LYPLAL1: variants seen among roughly 807,000 people sequenced by gnomAD.
LYPLAL1 encodes the protein lysophospholipase like 1, also known as lysophospholipase-like protein 1.
In LYPLAL1, 23 loss-of-function variants were observed where a neutral mutation model predicts 19.7. The ratio of observed to expected loss-of-function variants is 1.17; its 90% CI spans 0.84 to 1.65. The LOEUF (loss-of-function observed/expected upper bound fraction) is 1.65. LYPLAL1 is among the 40% of genes most tolerant of loss of function. The pLI, the probability that LYPLAL1 is intolerant of heterozygous loss-of-function variation, is 0.00. For synonymous variants in LYPLAL1, 119 were observed against 96.3 expected (o/e 1.24, Z -1.38); for missense variants, 355 against 279.4 (o/e 1.27, Z -1.93).
the LYPLAL1 span, among the ~76,000 whole-genome samples, chr1:219,236,883 C>G: frequency 6.6e-6 from 1 of 152,238 alleles, no homozygotes; most frequent in East Asian, 1.9e-4. Context: ...CATGGATTAA[C>G]TATTTTTCTT....
At chr1:219,312,539 G>C in the LYPLAL1 span, among the ~76,000 whole-genome samples, 3 of 152,200 alleles carry the variant, frequency 2.0e-5, no homozygotes, top group African/African-American at 7.2e-5. Context: ...GGGGCTGGGA[G>C]TGCCCAGTAG....
At chr1:219,435,825 C>CA in the LYPLAL1 span, among the ~76,000 whole-genome samples, 1 of 151,474 alleles carries the variant, frequency 6.6e-6, no homozygotes, top group Non-Finnish European at 1.5e-5. Context: ...GATTCCGTCC[C>CA]AAAAATGATA....
the LYPLAL1 span, among the ~76,000 whole-genome samples, chr1:219,274,957 C>A: frequency 6.6e-6 from 1 of 152,108 alleles, no homozygotes; most frequent in Non-Finnish European, 1.5e-5. Flanking sequence ...TTTAGTATCA[C>A]CCAATCAATA....
the LYPLAL1 span, among the ~76,000 whole-genome samples, chr1:219,226,510 A>G: frequency 6.6e-6 from 1 of 152,208 alleles, no homozygotes; most frequent in South Asian, 2.1e-4. Flanking sequence ...AACCCTTCTC[A>G]ACACAGCACA....
At chr1:219,441,177 C>A in the LYPLAL1 span, among the ~76,000 whole-genome samples, 5 of 152,032 alleles carry the variant, frequency 3.3e-5, 1 homozygote, top group Non-Finnish European at 7.4e-5. Context: ...ACATATCAAC[C>A]AATTTTAGTG....
At chr1:219,359,520 G>A in the LYPLAL1 span, among the ~76,000 whole-genome samples, 33 of 152,250 alleles carry the variant, frequency 2.2e-4, no homozygotes, top group African/African-American at 7.2e-4. Context: ...CTTTCACAAA[G>A]CTTTCCTTTC....
chr1:219,419,594 C>CACAGAGAGAGAG, the LYPLAL1 span, among the ~76,000 whole-genome samples: 2,446 of 99,430 alleles, frequency 0.025, 61 homozygotes, highest in African/African-American at 0.03. Context: ...CACACACACA[C>CACAGAGAGAGAG]AGAGAGAGAG....
At chr1:219,259,759 A>C in the LYPLAL1 span, among the ~76,000 whole-genome samples, 3 of 151,592 alleles carry the variant, frequency 2.0e-5, no homozygotes, top group Non-Finnish European at 4.4e-5. Context: ...AGCAAATGCC[A>C]TGTGTTCCCC....
chr1:219,241,803 T>C, the LYPLAL1 span, among the ~76,000 whole-genome samples: 15 of 152,168 alleles, frequency 9.9e-5, no homozygotes, highest in African/African-American at 3.4e-4. Context: ...AAACAGAGTT[T>C]GGAGATTGAT....
At chr1:219,372,401 A>C in the LYPLAL1 span, among the ~76,000 whole-genome samples, 1 of 152,202 alleles carries the variant, frequency 6.6e-6, no homozygotes, top group African/African-American at 2.4e-5. Flanking sequence ...TCATTTTCCA[A>C]GTGAGGAGGC....
At chr1:219,222,711 T>G in the LYPLAL1 span, 1 of 152,302 alleles carries the variant, frequency 6.6e-6, no homozygotes, top group Admixed American at 6.5e-5. Flanking sequence ...TGTGTCGCTC[T>G]TTAACTGTCT....
the LYPLAL1 span, among the ~76,000 whole-genome samples, chr1:219,267,860 G>C: frequency 2.0e-5 from 3 of 152,054 alleles, no homozygotes; most frequent in African/African-American, 7.2e-5. Context: ...ACGTATTTCT[G>C]AGTCCCACCC....
chr1:219,229,760 A>C, the LYPLAL1 span, among the ~76,000 whole-genome samples: 11 of 152,328 alleles, frequency 7.2e-5, no homozygotes, highest in African/African-American at 2.4e-4. Context: ...GCAGTGGGAC[A>C]CTAAAGAAAC....
At chr1:219,378,594 G>A in the LYPLAL1 span, among the ~76,000 whole-genome samples, 1 of 152,104 alleles carries the variant, frequency 6.6e-6, no homozygotes, top group Non-Finnish European at 1.5e-5. Context: ...AAAAGAAAAT[G>A]GGGGTCAGGG....
the LYPLAL1 span, among the ~76,000 whole-genome samples, chr1:219,236,644 C>T: frequency 2.0e-5 from 3 of 152,184 alleles, no homozygotes; most frequent in Non-Finnish European, 4.4e-5. Flanking sequence ...TCCTAGTCTT[C>T]TGTGACAGTG....
chr1:219,346,989 G>A, the LYPLAL1 span, among the ~76,000 whole-genome samples: 1 of 152,098 alleles, frequency 6.6e-6, no homozygotes, highest in Non-Finnish European at 1.5e-5. Context: ...GTTTATTATA[G>A]GTAACATGTG....
intron 2 of LYPLAL1, among the ~76,000 whole-genome samples, chr1:219,184,679 T>C (rs527946321): frequency 6.6e-6 from 1 of 152,092 alleles, no homozygotes; most frequent in South Asian, 2.1e-4. Flanking sequence ...TGCTTTTCTG[T>C]GTCCTTTGAA....
At chr1:219,414,341 G>C in the LYPLAL1 span, among the ~76,000 whole-genome samples, 1 of 152,120 alleles carries the variant, frequency 6.6e-6, no homozygotes, top group Non-Finnish European at 1.5e-5. Flanking sequence ...TAAAGAAAAG[G>C]GCATGAGTTT....
At chr1:219,219,196 T>C in the LYPLAL1 span, among the ~76,000 whole-genome samples, 2 of 152,236 alleles carry the variant, frequency 1.3e-5, no homozygotes, top group Admixed American at 1.3e-4. Context: ...CATACCAACT[T>C]TTCTAATTAT....
Sources: allele counts gnomAD v4.1 joint callset (sites outside exome capture counted in the v4.1 genomes callset), GRCh38; gene constraint gnomAD v4.1.1; transcripts MANE v1.5; gene names NCBI Gene and HGNC (gene_info 2026-07-23, HGNC 2026-07-21).